Variants in CHRNB1 observed in about 807,000 individuals in gnomAD.
CHRNB1 encodes cholinergic receptor nicotinic beta 1 subunit, also known as acetylcholine receptor subunit beta.
In CHRNB1, 47 loss-of-function variants were observed where a neutral mutation model predicts 53.8. The observed-to-expected ratio is 0.87, with a 90% confidence interval of 0.69 to 1.11. CHRNB1 has a LOEUF of 1.11. Ranked by LOEUF, CHRNB1 falls within the 50% of genes most tolerant of loss-of-function variation. The pLI, the probability that CHRNB1 is intolerant of heterozygous loss-of-function variation, is 0.00. For missense variants in CHRNB1, 605 were observed against 654.9 expected (o/e 0.92, Z 0.83); for synonymous variants, 259 against 263.5 (o/e 0.98, Z 0.16).
At position 7,445,737 on chromosome 17, in the gene CHRNB1, T is replaced by G; in HGVS notation, c.198+328T>G. On this transcript the variant is annotated intron_variant, in intron 2 of 10. Transcript: ENST00000306071. This position sits in a 1 kb window ranked among gnomAD's most constrained non-coding sequence, Gnocchi z 5.7. Reference sequence around the variant, plus strand: ...TGAGTGCCCAGGGTGGGGCGGAGCTTGGTGCTCAGGGGTCAATAAATGGCA... The same window carrying G: ...TGAGTGCCCAGGGTGGGGCGGAGCTGGGTGCTCAGGGGTCAATAAATGGCA... The G allele has an allele frequency of 1.3e-6, 1 of 796,568 alleles. No individual in the cohort carries two copies. Among genetic ancestry groups the G allele is most frequent in the Non-Finnish European group, 1.9e-6 (1 of 521,994 alleles). 49.3% of individuals were successfully genotyped at this position (796,568 alleles called of 1,614,324 possible). A position where few individuals can be genotyped will look rare whatever the true frequency, so the allele number is the denominator to read the frequency against.
Position 7,448,793 on chromosome 17 carries a change from T to A in CHRNB1, c.820+5T>A. On this transcript the variant is annotated splice_donor_5th_base_variant and intron_variant, in intron 7 of 10. Transcript: ENST00000306071. ...TCTACCTGCCACCAGATGCAGGTAA[T>A]GGGGGAAGGGGCTCCTTACTCTTTT... 1 of 1,612,458 alleles carries A rather than the reference T, an allele frequency of 6.2e-7. No individual in the cohort carries two copies. Among genetic ancestry groups the A allele is most frequent in the Non-Finnish European group, 8.5e-7 (1 of 1,178,470 alleles).
At position 7,455,293 on chromosome 17, in the gene CHRNB1, C is replaced by G. The variant is rs1316148293; in HGVS notation, c.1054C>G (p.His352Asp). The G allele has an allele frequency of 6.2e-7, 1 of 1,614,098 alleles. No homozygotes were observed. Among genetic ancestry groups the G allele is most frequent in the Non-Finnish European group, 8.5e-7 (1 of 1,179,996 alleles). Residue 352 changes from histidine to aspartate, a missense_variant, in exon 9 of 11, where the codon CAC becomes GAC. By Grantham distance (81) the His-to-Asp change is moderately conservative (BLOSUM62 -1). Coordinates refer to ENST00000306071, the MANE Select transcript of CHRNB1 (RefSeq NM_000747.3). ...MPLWVRQIFIHKLPLYLRLKR... is the reference protein window; with the variant it reads ...MPLWVRQIFIDKLPLYLRLKR... The stretch of plus-strand genomic sequence containing the variant: ...CTCTTCTACTCTGCAGATCTTCATT[C>G]ACAAACTTCCGCTGTACCTGCGTCT...
At chr17:7,447,695 G>T in intron 6 of CHRNB1, 45 bp downstream of exon 6, 1 of 1,610,484 alleles carries the variant, frequency 6.2e-7, no homozygotes, top group Non-Finnish European at 8.5e-7. Context: ...ATCATTTCCA[G>T]CTTCTAACAG....
At chr17:7,456,342 C>T (rs566553066) in intron 10 of CHRNB1, among the ~76,000 whole-genome samples, 35 of 152,142 alleles carry the variant, frequency 2.3e-4, no homozygotes, top group Non-Finnish European at 4.7e-4. Context: ...GCGTGAGCCA[C>T]CGCGCCCGGC....
intron 7 of CHRNB1, among the ~76,000 whole-genome samples, chr17:7,452,277 C>T (rs190455448): frequency 2.0e-5 from 3 of 152,136 alleles, no homozygotes; most frequent in African/African-American, 7.2e-5. Flanking sequence ...AGGCTGGTCT[C>T]GAACTTCTGA....
chr17:7,454,861 G>A (rs1260258517), intron 8 of CHRNB1, among the ~76,000 whole-genome samples: 1 of 131,654 alleles, frequency 7.6e-6, no homozygotes, highest in African/African-American at 2.9e-5. Flanking sequence ...GGAGTGCAAT[G>A]GCACAATCTC....
In CHRNB1 at chr17:7,455,877, G is replaced by C; in HGVS notation, c.1301G>C (p.Arg434Pro). 3 of 1,614,042 alleles carry C rather than the reference G, an allele frequency of 1.9e-6. No individual in the cohort carries two copies. Among genetic ancestry groups the C allele is most frequent in the Non-Finnish European group, 1.7e-6 (2 of 1,180,016 alleles). Reference sequence around the variant, plus strand: ...GCTGTGGCCCTGCTTCCGGAGCTACGGGAGGTCGTCTCCTCTATCAGCTAC... The same window carrying C: ...GCTGTGGCCCTGCTTCCGGAGCTACCGGAGGTCGTCTCCTCTATCAGCTAC... ...NRAVALLPEL[R>P]EVVSSISYIA... The change falls in exon 10 of 11, where the codon CGG (arginine) becomes CCG (proline). Residue 434 changes from arginine to proline, a missense_variant. Physicochemically the swap from Arg to Pro is moderately radical, Grantham distance 103. Coordinates refer to ENST00000306071, the MANE Select transcript of CHRNB1 (RefSeq NM_000747.3).
At position 7,449,993 on chromosome 17, in the gene CHRNB1, G is replaced by A. The variant is rs188397082; in HGVS notation, c.820+1205G>A. Among the ~76,000 whole-genome samples the A allele has an allele frequency of 3.3e-3, 498 of 151,062 alleles. 5 individuals are homozygous for A. The highest frequency in any genetic ancestry group is 0.012 in the African/African-American group (479 of 41,140). On this transcript the variant is annotated intron_variant, in intron 7 of 10. Transcript: ENST00000306071. ...CGGGAGGCGGAGCTTGCAGTGAGCCGACATTGTGCCACTGAACTCCAGCCT... is the reference window on the plus strand; with the variant it reads ...CGGGAGGCGGAGCTTGCAGTGAGCCAACATTGTGCCACTGAACTCCAGCCT...
intron 5 of CHRNB1, 138 bp from the exon 6 acceptor site, chr17:7,447,365 C>A: frequency 9.4e-7 from 1 of 1,061,256 alleles, no homozygotes; most frequent in Non-Finnish European, 1.4e-6. Flanking sequence ...CCCCATCCCT[C>A]CCCCATTAAT....
chr17:7,446,303 TTGTG>T (rs370471983), intron 3 of CHRNB1, 190 bp downstream of exon 3: 74 of 477,964 alleles, frequency 1.5e-4, no homozygotes, highest in African/African-American at 6.6e-4. Context: ...AATTCCAATT[TTGTG>T]TGTGTGTGTG....
Position 7,455,321 on chromosome 17 carries a change from A to G in CHRNB1, c.1082A>G (p.Lys361Arg). ...IHKLPLYLRL[K>R]RPKPERDLMP... ...AAACTTCCGCTGTACCTGCGTCTAA[A>G]AAGGCCCAAACCCGAGAGAGACCTG... The change falls in exon 9 of 11, where the codon AAA becomes AGA. Residue 361 changes from lysine to arginine, a missense_variant. By Grantham distance (26) the Lys-to-Arg change is conservative (BLOSUM62 2). Transcript: ENST00000306071. 6.2e-7 allele frequency: 1 copy of G among 1,614,132 alleles called. No homozygotes were observed. Among genetic ancestry groups the G allele is most frequent in the Non-Finnish European group, 8.5e-7 (1 of 1,180,022 alleles).
In CHRNB1 at chr17:7,447,492, C is replaced by T; in HGVS notation, c.463-11C>T. 1 of 1,614,162 alleles carries T rather than the reference C, an allele frequency of 6.2e-7. No homozygotes were observed. The highest frequency in any genetic ancestry group is 8.5e-7 in the Non-Finnish European group (1 of 1,180,032). On this transcript the variant is annotated splice_polypyrimidine_tract_variant and intron_variant, in intron 5 of 10. Transcript: ENST00000306071. ...TCTCTGGCAGCTCTAGTGACTCTCT[C>T]CTCCATCCAGGTCACCTACTTCCCC...
intron 3 of CHRNB1, chr17:7,446,339 G>GTC (rs1908624775): frequency 1.4e-5 from 5 of 366,662 alleles, no homozygotes; most frequent in South Asian, 1.3e-4. Flanking sequence ...GTGTGTGTGT[G>GTC]TGTGTGTGTG....
At chr17:7,446,699 C>A in intron 3 of CHRNB1, 134 bp from the exon 4 acceptor site, 2 of 684,692 alleles carry the variant, frequency 2.9e-6, no homozygotes, top group South Asian at 1.7e-5. Flanking sequence ...AGAGCCAGAA[C>A]CACGGCCCCT....
chr17:7,456,049 C>CTTTTTTTTTTTT (rs528936191), intron 10 of CHRNB1, 108 bp downstream of exon 10: 1 of 409,734 alleles, frequency 2.4e-6, no homozygotes, highest in African/African-American at 3.7e-5. Context: ...TTTTTTTTGG[C>CTTTTTTTTTTTT]TTTTTTTTTT....
Position 7,456,581 on chromosome 17 carries a change from A to G in CHRNB1, c.1366-2A>G, listed in dbSNP as rs1276565099. The G allele has an allele frequency of 6.2e-7, 1 of 1,614,106 alleles. No individual in the cohort carries two copies. The highest frequency in any genetic ancestry group is 8.5e-7 in the Non-Finnish European group (1 of 1,180,024). On this transcript the variant is annotated splice_acceptor_variant, in intron 10 of 10. Coordinates refer to ENST00000306071, the MANE Select transcript of CHRNB1 (RefSeq NM_000747.3). LOFTEE classifies it high-confidence loss of function. ...CAGGAAGTTTCCTTTGCCTACCCAC[A>G]GCTGAAGGAGGACTGGCAGTTTGTG...
In CHRNB1 at chr17:7,456,859, T is replaced by G. The variant is rs182995220; in HGVS notation, c.*136T>G. 66 of 1,177,056 alleles carry G rather than the reference T, an allele frequency of 5.6e-5. No individual in the cohort carries two copies. The highest frequency in any genetic ancestry group is 6.8e-5 in the Non-Finnish European group (56 of 817,944). The allele number at this position is 1,177,056 out of a possible 1,614,324, so 72.9% of individuals were successfully genotyped here. ...TCTTATTTCGTTTCTGGGGACTGCA[T>G]TGGACTGAGGGCTGGGTAGGCAGGT... On this transcript the variant is annotated 3_prime_UTR_variant, in exon 11 of 11. Coordinates refer to ENST00000306071, the MANE Select transcript of CHRNB1 (RefSeq NM_000747.3).
chr17:7,449,045 C>T (rs938106739), intron 7 of CHRNB1, among the ~76,000 whole-genome samples: 2 of 152,006 alleles, frequency 1.3e-5, no homozygotes, highest in Admixed American at 1.3e-4. Context: ...GCTTAGATAG[C>T]TCTCCCATTC....
intron 3 of CHRNB1, chr17:7,446,329 G>GTGTC (rs754677689): frequency 2.1e-3 from 391 of 185,724 alleles, no homozygotes; most frequent in South Asian, 8.3e-3. Context: ...GTGTGTGTCT[G>GTGTC]TGTGTGTGTG....
Sources: gnomAD v4.1 joint callset for allele counts (sites outside exome capture counted in the v4.1 genomes callset) on GRCh38, gnomAD v4.1.1 for gene constraint, Gnocchi (gnomAD v3.1) non-coding constraint, MANE v1.5 for transcripts, NCBI Gene and HGNC (gene_info 2026-07-23, HGNC 2026-07-21) for gene names.